RTF1: variants seen among roughly 807,000 people sequenced by gnomAD.
RTF1 encodes RNA polymerase-associated protein RTF1 homolog.
In RTF1, 10 loss-of-function variants were observed where a neutral mutation model predicts 95.7. That is an observed-to-expected ratio of 0.10 (90% CI 0.06 to 0.18). The LOEUF is 0.18. Among genes scored for constraint, RTF1 ranks in the 10% least tolerant of loss-of-function variants. The probability of loss-of-function intolerance (pLI) is 1.00; values close to 1 mark genes in which losing one functional copy is unlikely to be tolerated. For synonymous variants in RTF1, 305 were observed against 311.8 expected (o/e 0.98, Z 0.23); for missense variants, 458 against 875.6 (o/e 0.52, Z 6.02).
chr15:41,479,310 CCTCTT>C, intron 16 of RTF1, 112 bp downstream of exon 16: 3 of 663,822 alleles, frequency 4.5e-6, no homozygotes, highest in Non-Finnish European at 8.0e-6. Context: ...ACAGGGAGTC[CCTCTT>C]GGAGTCCCTT....
Position 41,464,865 on chromosome 15 carries a change from A to T in RTF1, c.757A>T (p.Thr253Ser). 6.5e-7 allele frequency: 1 copy of T among 1,531,896 alleles called. No individual in the cohort carries two copies. The highest frequency in any genetic ancestry group is 8.7e-7 in the Non-Finnish European group (1 of 1,142,878). 94.9% of individuals were successfully genotyped at this position (1,531,896 alleles called of 1,614,324 possible). The change falls in exon 5 of 18, where the codon ACA becomes TCA. Residue 253 changes from threonine to serine, a missense_variant. By Grantham distance (58) the Thr-to-Ser change is moderately conservative. Coordinates refer to ENST00000389629, the MANE Select transcript of RTF1 (RefSeq NM_015138.5). Reference protein sequence around the residue: ...QEEEQEKKKLTQIQESQVTSH... With the variant: ...QEEEQEKKKLSQIQESQVTSH... ...AGAGGAGCAAGAAAAGAAAAAACTG[A>T]CACAGATTCAAGAATCTCAGGTAGG...
intron 1 of RTF1, among the ~76,000 whole-genome samples, chr15:41,425,164 G>A (rs1180122132): frequency 1.3e-5 from 2 of 151,996 alleles, no homozygotes; most frequent in Non-Finnish European, 2.9e-5. Context: ...CTGCAGTGGC[G>A]CTGTCTCTGC....
chr15:41,471,392 T>C, intron 8 of RTF1, 43 bp downstream of exon 8: 1 of 1,567,270 alleles, frequency 6.4e-7, no homozygotes, highest in Non-Finnish European at 8.7e-7. Context: ...GCTTTCAGTA[T>C]AATTAGTCTC....
chr15:41,473,854 T>C (rs1039507200), intron 8 of RTF1, among the ~76,000 whole-genome samples: 2 of 151,234 alleles, frequency 1.3e-5, no homozygotes, highest in African/African-American at 2.4e-5. Flanking sequence ...CTGGCTAACA[T>C]GGTGAAACCC....
intron 2 of RTF1, among the ~76,000 whole-genome samples, chr15:41,443,103 T>C (rs961668306): frequency 6.6e-6 from 1 of 152,120 alleles, no homozygotes; most frequent in Non-Finnish European, 1.5e-5. Flanking sequence ...AAAAAGTTAA[T>C]CGGTAATTTG....
chr15:41,433,570 C>T (rs1228751163), intron 1 of RTF1, among the ~76,000 whole-genome samples: 3 of 152,116 alleles, frequency 2.0e-5, no homozygotes, highest in South Asian at 2.1e-4. Context: ...ATATACCTGC[C>T]TCAGCCTCCC....
At chr15:41,440,695 T>A (rs2140952791) in intron 2 of RTF1, among the ~76,000 whole-genome samples, 1 of 149,674 alleles carries the variant, frequency 6.7e-6, no homozygotes, top group South Asian at 2.1e-4. Context: ...TTCACCACGT[T>A]AGCCAAGATG....
At chr15:41,453,897 C>A (rs772082784) in intron 3 of RTF1, among the ~76,000 whole-genome samples, 1 of 151,792 alleles carries the variant, frequency 6.6e-6, no homozygotes, top group Non-Finnish European at 1.5e-5. Flanking sequence ...TTGGCCTAAC[C>A]CGGTTTTGAG....
At chr15:41,457,480 G>C (rs1288224466) in intron 3 of RTF1, among the ~76,000 whole-genome samples, 192 bp from the exon 4 acceptor site, 1 of 151,190 alleles carries the variant, frequency 6.6e-6, no homozygotes, top group Non-Finnish European at 1.5e-5. Flanking sequence ...AGCTGAGATT[G>C]TGCCACTGCA....
intron 16 of RTF1, 143 bp downstream of exon 16, chr15:41,479,341 T>G: frequency 1.6e-6 from 1 of 614,138 alleles, no homozygotes; most frequent in Non-Finnish European, 2.9e-6. Flanking sequence ...TCCCAGTTAT[T>G]TACAGATATA....
intron 1 of RTF1, among the ~76,000 whole-genome samples, chr15:41,426,362 G>T (rs577787345): frequency 6.6e-6 from 1 of 151,160 alleles, no homozygotes; most frequent in South Asian, 2.1e-4. Flanking sequence ...GTGGAGTGCA[G>T]TGGCACGATC....
intron 1 of RTF1, among the ~76,000 whole-genome samples, chr15:41,432,890 A>T (rs2050682584): frequency 6.6e-6 from 1 of 151,202 alleles, no homozygotes. Context: ...GTGAGCCGGG[A>T]TCGCACCATT....
At chr15:41,454,427 A>G (rs316614) in intron 3 of RTF1, among the ~76,000 whole-genome samples, 52,187 of 151,912 alleles carry the variant, frequency 0.34, 9,131 homozygotes, top group African/African-American at 0.41. Context: ...GCTAATAAAT[A>G]AAAAAGAAAT....
In RTF1 at chr15:41,429,672, T is replaced by C. The variant is rs145320343; in HGVS notation, c.199-8649T>C. Among the ~76,000 whole-genome samples, 488 of 152,230 alleles carry C rather than the reference T, an allele frequency of 3.2e-3. 3 individuals carry two copies. The highest frequency in any genetic ancestry group is 0.011 in the African/African-American group (470 of 41,552). On this transcript the variant is annotated intron_variant, in intron 1 of 17. Coordinates refer to ENST00000389629, the MANE Select transcript of RTF1 (RefSeq NM_015138.5). ...AGTCACAGTTTCTCTTTCAGTTCTTTGACTAAGCCAAGCTGTTATCAGCTT... is the reference window on the plus strand; with the variant it reads ...AGTCACAGTTTCTCTTTCAGTTCTTCGACTAAGCCAAGCTGTTATCAGCTT...
chr15:41,420,021 A>G (rs1232552983), intron 1 of RTF1, among the ~76,000 whole-genome samples: 4 of 152,024 alleles, frequency 2.6e-5, no homozygotes, highest in Admixed American at 1.3e-4. Context: ...GGGTTTCTCC[A>G]TGTTGGCCAG....
intron 2 of RTF1, among the ~76,000 whole-genome samples, chr15:41,448,194 T>TG (rs1240903195): frequency 6.6e-6 from 1 of 152,180 alleles, no homozygotes; most frequent in East Asian, 1.9e-4. Flanking sequence ...CTCTCGTTTA[T>TG]GGGAGTAAAT....
intron 2 of RTF1, among the ~76,000 whole-genome samples, chr15:41,446,032 C>T (rs1458794411): frequency 6.6e-6 from 1 of 152,172 alleles, no homozygotes; most frequent in African/African-American, 2.4e-5. Flanking sequence ...TGAGCCACCA[C>T]ACCCAGCTTC....
chr15:41,434,354 A>G lies in RTF1; in HGVS notation c.199-3967A>G, dbSNP rs1179087842. On this transcript the variant is annotated intron_variant, in intron 1 of 17. Transcript: ENST00000389629. ...TACAGTGGAATACTACTTAGCAAAA[A>G]TAGAGACAAACTATAGTAATGATAC... Among the ~76,000 whole-genome samples, 4 of 152,164 alleles carry G rather than the reference A, an allele frequency of 2.6e-5. No individual in the cohort carries two copies. The East Asian group carries it at 7.7e-4, about 29-fold the overall frequency.
At chr15:41,467,472 T>A (rs1439842897) in intron 6 of RTF1, among the ~76,000 whole-genome samples, 1 of 152,156 alleles carries the variant, frequency 6.6e-6, no homozygotes. Context: ...CCTAGCACTT[T>A]GGGAGGCCAA....
Sources: allele counts gnomAD v4.1 joint callset (sites outside exome capture counted in the v4.1 genomes callset), GRCh38; gene constraint gnomAD v4.1.1; transcripts MANE v1.5; gene names NCBI Gene and HGNC (gene_info 2026-07-23, HGNC 2026-07-21).